TATDN1: variants seen among roughly 807,000 people sequenced by gnomAD.
TATDN1 encodes the protein deoxyribonuclease TATDN1.
A neutral mutation model predicts 46.4 loss-of-function variants in TATDN1; 40 were observed. That is an observed-to-expected ratio of 0.86 (90% CI 0.67 to 1.12). The LOEUF (loss-of-function observed/expected upper bound fraction) is 1.12, where lower values mean the gene tolerates loss of function less well. TATDN1 is among the 50% of genes most tolerant of loss of function. The pLI, the probability that TATDN1 is intolerant of heterozygous loss-of-function variation, is 0.00. For synonymous variants in TATDN1, 95 were observed against 105.6 expected (o/e 0.90, Z 0.62); for missense variants, 326 against 348.4 (o/e 0.94, Z 0.51).
intron 9 of TATDN1, among the ~76,000 whole-genome samples, chr8:124,500,400 ATCAT>A (rs1179382129): frequency 6.6e-6 from 1 of 152,170 alleles, no homozygotes; most frequent in Non-Finnish European, 1.5e-5. Flanking sequence ...TGAACTCAAG[ATCAT>A]TTAGAAATAT....
At position 124,495,545 on chromosome 8, in the gene TATDN1, TA is replaced by T. The variant is rs35308504; in HGVS notation, c.594-4del. The T allele has an allele frequency of 3.7e-5, 58 of 1,587,062 alleles. No homozygotes were observed. The Admixed American group carries it at 7.0e-4, about 19-fold the overall frequency. Reference sequence around the variant, plus strand: ...AATTAGCTTCAGTTTTCAGTGAGCTTAAAAAAAAGTGTATATTTATTTTAAA... The same window carrying T: ...AATTAGCTTCAGTTTTCAGTGAGCTTAAAAAAAGTGTATATTTATTTTAAA... On this transcript the variant is annotated splice_polypyrimidine_tract_variant and splice_region_variant and intron_variant, in intron 9 of 11. Transcript: ENST00000276692.
chr8:124,518,868 C>T lies in TATDN1; in HGVS notation c.152G>A (p.Gly51Asp). The T allele has an allele frequency of 1.9e-6, 3 of 1,608,762 alleles. No homozygotes were observed. The highest frequency in any genetic ancestry group is 2.6e-6 in the Non-Finnish European group (3 of 1,176,154). The change falls in exon 4 of 12, where the codon GGT becomes GAT. Residue 51 changes from glycine to aspartate, a missense_variant. Gly to Asp is a moderately conservative substitution (Grantham distance 94). Coordinates refer to ENST00000276692, the MANE Select transcript of TATDN1 (RefSeq NM_032026.4). Reference sequence around the variant, plus strand: ...ATCTTTACTGTCTTGTAGATTTCCACCTGTAATCATAAACTGAAATAGAAA... The same window carrying T: ...ATCTTTACTGTCTTGTAGATTTCCATCTGTAATCATAAACTGAAATAGAAA... ...EIGVKKFMIT[G>D]GNLQDSKDAL...
At chr8:124,506,350 A>G (rs1321941367) in intron 8 of TATDN1, among the ~76,000 whole-genome samples, 2 of 149,246 alleles carry the variant, frequency 1.3e-5, no homozygotes, top group Non-Finnish European at 3.0e-5. Context: ...AAAAAAAAAA[A>G]AAAAAAGAAA....
chr8:124,522,503 A>ACCTC (rs1360442478), intron 2 of TATDN1, among the ~76,000 whole-genome samples: 1 of 151,352 alleles, frequency 6.6e-6, no homozygotes, highest in Non-Finnish European at 1.5e-5. Flanking sequence ...TGCAACTTCC[A>ACCTC]CCTCCTGGGT....
chr8:124,520,478 T>C (rs1047344773), intron 3 of TATDN1, among the ~76,000 whole-genome samples: 1 of 151,948 alleles, frequency 6.6e-6, no homozygotes, highest in Admixed American at 6.6e-5. Flanking sequence ...GGGAAAACTT[T>C]CTTGTTACTA....
intron 3 of TATDN1, chr8:124,521,633 G>A (rs1224094426): frequency 1.3e-5 from 2 of 152,426 alleles, no homozygotes; most frequent in African/African-American, 2.4e-5. Context: ...CTTAGTGTAT[G>A]TGTGGGCTAG....
At chr8:124,501,827 G>C (rs899600665) in intron 9 of TATDN1, among the ~76,000 whole-genome samples, 4 of 152,042 alleles carry the variant, frequency 2.6e-5, no homozygotes, top group Admixed American at 2.6e-4. Flanking sequence ...GCAACACCAG[G>C]CGTGATGAAA....
intron 9 of TATDN1, among the ~76,000 whole-genome samples, chr8:124,499,456 A>ATTT (rs1364338300): frequency 2.0e-5 from 3 of 152,218 alleles, no homozygotes; most frequent in Admixed American, 6.5e-5. Context: ...TAAACATTTT[A>ATTT]AATACAAGCC....
intron 1 of TATDN1, among the ~76,000 whole-genome samples, chr8:124,527,630 C>G (rs866683333): frequency 1.3e-5 from 2 of 151,988 alleles, no homozygotes; most frequent in Middle Eastern, 3.2e-3. Flanking sequence ...TCTGGGGTCT[C>G]CTTGGCCAAG....
chr8:124,496,426 C>A (rs776918497), intron 9 of TATDN1, among the ~76,000 whole-genome samples: 8 of 152,198 alleles, frequency 5.3e-5, no homozygotes, highest in Non-Finnish European at 1.2e-4. Flanking sequence ...TGCAATGACA[C>A]GTATCTACCA....
chr8:124,522,446 C>T (rs1013997463), intron 2 of TATDN1, among the ~76,000 whole-genome samples: 4 of 151,940 alleles, frequency 2.6e-5, no homozygotes, highest in South Asian at 4.1e-4. Flanking sequence ...GACGGAGTTT[C>T]GTTCTTGTTG....
chr8:124,533,675 A>G (rs1821170094), intron 1 of TATDN1, among the ~76,000 whole-genome samples: 1 of 152,098 alleles, frequency 6.6e-6, no homozygotes, highest in Admixed American at 6.6e-5. Flanking sequence ...TTAGTAAGGA[A>G]GGAGACCAGG....
chr8:124,501,829 G>A (rs997800332), intron 9 of TATDN1, among the ~76,000 whole-genome samples: 4 of 152,080 alleles, frequency 2.6e-5, no homozygotes, highest in Admixed American at 6.5e-5. Context: ...AACACCAGGC[G>A]TGATGAAAAC....
At chr8:124,503,800 C>T in intron 9 of TATDN1, 1 of 699,442 alleles carries the variant, frequency 1.4e-6, no homozygotes, top group Non-Finnish European at 2.2e-6. Context: ...GAGTGAGAAG[C>T]CAGAGGACAT....
intron 1 of TATDN1, among the ~76,000 whole-genome samples, chr8:124,525,185 G>A (rs535930186): frequency 1.3e-5 from 2 of 151,734 alleles, no homozygotes; most frequent in Middle Eastern, 3.2e-3. Flanking sequence ...TCACCCTATC[G>A]CCCAGGCTAC....
At position 124,518,873 on chromosome 8, in the gene TATDN1, A is replaced by C. The variant is rs753267221; in HGVS notation, c.147T>G (p.Ile49Met). 6.2e-7 allele frequency: 1 copy of C among 1,607,528 alleles called. No individual in the cohort carries two copies. Among genetic ancestry groups the C allele is most frequent in the South Asian group, 1.1e-5 (1 of 90,474 alleles). The change falls in exon 4 of 12, where the codon ATT (isoleucine) becomes ATG (methionine). Residue 49 changes from isoleucine to methionine, a missense_variant. Physicochemically the swap from Ile to Met is conservative, Grantham distance 10. Transcript: ENST00000276692. ...TACTGTCTTGTAGATTTCCACCTGT[A>C]ATCATAAACTGAAATAGAAAGAAAA... ...AVEIGVKKFM[I>M]TGGNLQDSKD... is the part of the protein sequence containing the mutation.
intron 1 of TATDN1, among the ~76,000 whole-genome samples, chr8:124,533,468 G>C (rs940891334): frequency 7.1e-6 from 1 of 140,538 alleles, no homozygotes; most frequent in African/African-American, 2.5e-5. Flanking sequence ...GAGGCCTGAG[G>C]GGGTGGCAAC....
rs1563670930 is a variant in TATDN1, at chr8:124,515,801, AAAG to A, written c.347-16_347-14del. 6.2e-7 allele frequency: 1 copy of A among 1,613,718 alleles called. No individual in the cohort carries two copies. The highest frequency in any genetic ancestry group is 1.7e-5 in the Admixed American group (1 of 59,986). On this transcript the variant is annotated splice_polypyrimidine_tract_variant and intron_variant, in intron 5 of 11. Coordinates refer to ENST00000276692, the MANE Select transcript of TATDN1 (RefSeq NM_032026.4). ...AGTCGGTCAAAATCTTTAAAAAGAT[AAAG>A]AAGAATAATTACTCCTAACTTATAC...
chr8:124,505,048 CCT>C (rs1818296751), intron 8 of TATDN1, among the ~76,000 whole-genome samples: 2 of 151,214 alleles, frequency 1.3e-5, no homozygotes, highest in South Asian at 4.2e-4. Flanking sequence ...AGCCACCGCG[CCT>C]GGCCGAGGAT....
Sources: allele counts gnomAD v4.1 joint callset (sites outside exome capture counted in the v4.1 genomes callset), GRCh38; gene constraint gnomAD v4.1.1; transcripts MANE v1.5; gene names NCBI Gene and HGNC (gene_info 2026-07-23, HGNC 2026-07-21).